The following MROH9 variants were observed in gnomAD, a reference collection of about 807,000 sequenced individuals.
The protein encoded by MROH9 is maestro heat like repeat family member 9.
Under a neutral mutation model 98.2 loss-of-function variants are expected in MROH9, and 92 were observed. That is an observed-to-expected ratio of 0.94 (90% CI 0.79 to 1.11). MROH9 has a LOEUF of 1.11. Ranked by LOEUF, MROH9 falls within the 50% of genes most tolerant of loss-of-function variation. The probability of loss-of-function intolerance (pLI) is 0.00; values close to 1 mark genes in which losing one functional copy is unlikely to be tolerated. For synonymous variants in MROH9, 397 were observed against 368.9 expected (o/e 1.08, Z -0.87); for missense variants, 1,057 against 1,014.8 (o/e 1.04, Z -0.57).
intron 1 of MROH9, among the ~76,000 whole-genome samples, chr1:170,944,709 T>C (rs922213237): frequency 6.6e-6 from 1 of 152,068 alleles, no homozygotes; most frequent in Non-Finnish European, 1.5e-5. Context: ...CATCACATTA[T>C]GAAAAAGTTC....
chr1:170,995,478 G>A lies in MROH9; in HGVS notation c.1284G>A (p.Met428Ile), dbSNP rs1190603779. The A allele has an allele frequency of 3.1e-6, 5 of 1,613,272 alleles. No individual in the cohort carries two copies. The highest frequency in any genetic ancestry group is 4.2e-6 in the Non-Finnish European group (5 of 1,179,594). The change falls in exon 13 of 22, where the codon ATG becomes ATA. Residue 428 changes from methionine to isoleucine, a missense_variant. By Grantham distance (10) the Met-to-Ile change is conservative. Transcript: ENST00000367759. ...TCCCCCAGCTCTTGACGACTCTTAT[G>A]TTCCAAGTCTTCTACAACAGTGAGC... Reference protein sequence around the residue: ...QYFPQLLTTLMFQVFYNSELK... With the variant: ...QYFPQLLTTLIFQVFYNSELK...
intron 8 of MROH9, among the ~76,000 whole-genome samples, chr1:170,976,937 T>C (rs1650721998): frequency 6.6e-6 from 1 of 152,170 alleles, no homozygotes; most frequent in South Asian, 2.1e-4. Flanking sequence ...CTTTACATTC[T>C]GGTTTCTTTT....
intron 7 of MROH9, among the ~76,000 whole-genome samples, chr1:170,969,084 T>C (rs75752666): frequency 0.011 from 1,676 of 152,260 alleles, 21 homozygotes; most frequent in African/African-American, 0.038. Flanking sequence ...AAATCTTAGG[T>C]ATATACCTAA....
At chr1:171,022,741 T>G (rs942149542) in intron 17 of MROH9, among the ~76,000 whole-genome samples, 1 of 152,112 alleles carries the variant, frequency 6.6e-6, no homozygotes, top group Non-Finnish European at 1.5e-5. Context: ...TTTCTGCACT[T>G]GTATCCCAGA....
chr1:170,971,645 A>G (rs1170172977), intron 7 of MROH9, 103 bp from the exon 8 acceptor site: 2 of 1,321,656 alleles, frequency 1.5e-6, no homozygotes, highest in Non-Finnish European at 2.1e-6. Flanking sequence ...TCTGAAGCTT[A>G]TCTTAGAATC....
intron 20 of MROH9, among the ~76,000 whole-genome samples, chr1:171,029,593 T>C (rs1652839136): frequency 6.6e-6 from 1 of 152,210 alleles, no homozygotes; most frequent in Non-Finnish European, 1.5e-5. Flanking sequence ...TGATGGATTA[T>C]GTTTATTGAT....
intron 13 of MROH9, 25 bp from the exon 14 acceptor site, chr1:170,996,482 A>G: frequency 1.2e-6 from 2 of 1,609,360 alleles, no homozygotes; most frequent in Non-Finnish European, 8.5e-7. Context: ...GCATGTGATG[A>G]CTTTGCTCTC....
intron 1 of MROH9, among the ~76,000 whole-genome samples, chr1:170,940,740 G>C (rs1242853551): frequency 6.6e-6 from 1 of 152,048 alleles, no homozygotes; most frequent in Non-Finnish European, 1.5e-5. Flanking sequence ...AATTTAAATG[G>C]GGATGTGGTA....
intron 20 of MROH9, among the ~76,000 whole-genome samples, chr1:171,040,181 A>G (rs1653251126): frequency 1.3e-5 from 2 of 152,166 alleles, no homozygotes; most frequent in African/African-American, 2.4e-5. Context: ...AATGTAAAGT[A>G]TAATGGTGGT....
chr1:170,976,951 TC>T (rs1650724018), intron 8 of MROH9, among the ~76,000 whole-genome samples: 1 of 152,296 alleles, frequency 6.6e-6, no homozygotes, highest in East Asian at 1.9e-4. Flanking sequence ...TTCTTTTTTT[TC>T]TTTTTTTTCT....
intron 20 of MROH9, among the ~76,000 whole-genome samples, chr1:171,056,725 A>T (rs185635618): frequency 5.9e-5 from 9 of 152,282 alleles, no homozygotes; most frequent in Admixed American, 2.0e-4. Context: ...TCCAACTGGC[A>T]TCAGGTCAGT....
chr1:171,016,098 T>C, intron 16 of MROH9, 65 bp from the exon 17 acceptor site: 4 of 1,168,996 alleles, frequency 3.4e-6, no homozygotes, highest in Non-Finnish European at 4.5e-6. Flanking sequence ...AAGGTATCCA[T>C]ATAAATGTCA....
intron 3 of MROH9, among the ~76,000 whole-genome samples, chr1:170,949,744 T>C (rs1649473718): frequency 6.6e-6 from 1 of 151,998 alleles, no homozygotes; most frequent in African/African-American, 2.4e-5. Flanking sequence ...GCAGGGCTGT[T>C]GGGGGCACCA....
intron 9 of MROH9, among the ~76,000 whole-genome samples, chr1:170,983,959 C>T (rs1303430466): frequency 1.3e-5 from 2 of 152,146 alleles, no homozygotes; most frequent in African/African-American, 4.8e-5. Flanking sequence ...TTTAAAAGCG[C>T]TATTAAATGA....
At chr1:171,014,609 C>T (rs562019214) in intron 16 of MROH9, among the ~76,000 whole-genome samples, 1 of 152,290 alleles carries the variant, frequency 6.6e-6, no homozygotes, top group African/African-American at 2.4e-5. Context: ...TATCTCAGAG[C>T]ACTTGCTCAA....
chr1:171,040,475 T>G (rs1365292062), intron 20 of MROH9, among the ~76,000 whole-genome samples: 1 of 152,132 alleles, frequency 6.6e-6, no homozygotes, highest in Non-Finnish European at 1.5e-5. Flanking sequence ...CTTGCTTGAG[T>G]GTTGTATTCA....
chr1:171,045,768 A>C (rs987946622), intron 20 of MROH9, among the ~76,000 whole-genome samples: 1 of 152,214 alleles, frequency 6.6e-6, no homozygotes, highest in Non-Finnish European at 1.5e-5. Flanking sequence ...TGTATTCTGC[A>C]GCTCTTGAAT....
chr1:171,004,904 A>C (rs767041125), intron 15 of MROH9, among the ~76,000 whole-genome samples: 3 of 152,122 alleles, frequency 2.0e-5, no homozygotes, highest in Non-Finnish European at 4.4e-5. Flanking sequence ...GAAATCAGGA[A>C]GTGTAATATC....
chr1:171,017,768 A>G (rs1652377556), intron 17 of MROH9, among the ~76,000 whole-genome samples: 1 of 152,144 alleles, frequency 6.6e-6, no homozygotes, highest in Non-Finnish European at 1.5e-5. Flanking sequence ...AGCCTAACAC[A>G]TCAGCTGTGG....
Sources: gnomAD v4.1 joint callset for allele counts (sites outside exome capture counted in the v4.1 genomes callset) on GRCh38, gnomAD v4.1.1 for gene constraint, MANE v1.5 for transcripts, NCBI Gene and HGNC (gene_info 2026-07-23, HGNC 2026-07-21) for gene names.